ERC1: variants seen among roughly 807,000 people sequenced by gnomAD.
The protein encoded by ERC1 is RAB6 interacting protein 2.
In ERC1, 56 loss-of-function variants were observed where a neutral mutation model predicts 132.0. The ratio of observed to expected loss-of-function variants is 0.42; its 90% CI spans 0.34 to 0.53. The LOEUF (loss-of-function observed/expected upper bound fraction) is 0.53. Ranked by LOEUF, ERC1 falls within the 20% of genes least tolerant of loss-of-function variation. ERC1 has a pLI of 0.03. For synonymous variants in ERC1, 478 were observed against 476.1 expected (o/e 1.00, Z -0.05); for missense variants, 1,202 against 1,349.9 (o/e 0.89, Z 1.72).
At chr12:1,227,834 G>A (rs140112193) in intron 12 of ERC1, among the ~76,000 whole-genome samples, 18 of 152,244 alleles carry the variant, frequency 1.2e-4, no homozygotes, top group Admixed American at 5.9e-4. Context: ...TCTGTGTATG[G>A]TCAGGGATAA....
chr12:1,317,479 A>G (rs1265984930), intron 15 of ERC1, among the ~76,000 whole-genome samples: 2 of 152,284 alleles, frequency 1.3e-5, no homozygotes, highest in African/African-American at 2.4e-5. Flanking sequence ...GCAGCAAACC[A>G]CCATGGCACA....
intron 12 of ERC1, among the ~76,000 whole-genome samples, chr12:1,226,172 A>C (rs1054980555): frequency 1.3e-5 from 2 of 152,338 alleles, no homozygotes; most frequent in East Asian, 3.9e-4. Flanking sequence ...ATGGCCAAAA[A>C]TGGAGATCTA....
intron 12 of ERC1, among the ~76,000 whole-genome samples, chr12:1,196,803 T>C (rs1177282611): frequency 1.6e-5 from 2 of 125,496 alleles, no homozygotes; most frequent in South Asian, 2.5e-4. Context: ...GTGCGCACGC[T>C]ATTTCTCTCT....
intron 16 of ERC1, among the ~76,000 whole-genome samples, chr12:1,375,657 C>T (rs758426986): frequency 6.6e-5 from 10 of 150,974 alleles, no homozygotes; most frequent in African/African-American, 2.2e-4. Context: ...TAGCCCTGTT[C>T]GTGGTCAGAA....
At chr12:1,382,474 C>CTT (rs1187910665) in intron 16 of ERC1, among the ~76,000 whole-genome samples, 1 of 152,178 alleles carries the variant, frequency 6.6e-6, no homozygotes, top group Non-Finnish European at 1.5e-5. Flanking sequence ...CTCTTTATGT[C>CTT]TAAGTGTTGG....
rs138117402 is a variant in ERC1, at chr12:1,257,602, G to A, written c.2488-5432G>A. Reference sequence around the variant, plus strand: ...AGGGTTGGGTAACATTGGAGCTTTTGTTGGTGTTTATTACCTATATAACTC... The same window carrying A: ...AGGGTTGGGTAACATTGGAGCTTTTATTGGTGTTTATTACCTATATAACTC... On this transcript the variant is annotated intron_variant, in intron 13 of 18. Coordinates refer to ENST00000360905, the MANE Select transcript of ERC1 (RefSeq NM_178040.4). Among the ~76,000 whole-genome samples, 642 of 152,168 alleles carry A rather than the reference G, an allele frequency of 4.2e-3. 4 individuals carry two copies. Among genetic ancestry groups the A allele is most frequent in the African/African-American group, 0.014 (586 of 41,506 alleles).
chr12:1,388,379 G>A (rs1369181983), intron 16 of ERC1, among the ~76,000 whole-genome samples: 4 of 149,610 alleles, frequency 2.7e-5, no homozygotes, highest in Non-Finnish European at 5.9e-5. Flanking sequence ...TTAGCCTCAT[G>A]AATGAGCTAG....
chr12:1,150,850 T>G (rs546438757), intron 8 of ERC1, among the ~76,000 whole-genome samples: 37 of 152,190 alleles, frequency 2.4e-4, no homozygotes, highest in African/African-American at 8.4e-4. Flanking sequence ...AGACATGCCA[T>G]CCAAACGTAA....
At chr12:1,126,250 A>T (rs964920362) in intron 7 of ERC1, among the ~76,000 whole-genome samples, 3 of 152,242 alleles carry the variant, frequency 2.0e-5, no homozygotes, top group African/African-American at 7.2e-5. Flanking sequence ...ATGAAAATAC[A>T]GAGTCATAAA....
At chr12:1,151,473 A>T (rs919577803) in intron 8 of ERC1, among the ~76,000 whole-genome samples, 3 of 152,214 alleles carry the variant, frequency 2.0e-5, no homozygotes, top group Non-Finnish European at 4.4e-5. Context: ...CAATGCAAGA[A>T]ATCCCTGTTA....
intron 16 of ERC1, among the ~76,000 whole-genome samples, chr12:1,377,073 CT>C (rs2088021901): frequency 6.6e-6 from 1 of 152,118 alleles, no homozygotes; most frequent in African/African-American, 2.4e-5. Context: ...TTGCTTAATC[CT>C]CCAAAGACCG....
At chr12:1,122,778 G>C (rs12829051) in intron 7 of ERC1, among the ~76,000 whole-genome samples, 1 of 115,884 alleles carries the variant, frequency 8.6e-6, no homozygotes, top group African/African-American at 3.2e-5. Context: ...TTTCAGATGA[G>C]TGTGTTTCTC....
chr12:1,178,332 A>G (rs564550796), intron 8 of ERC1, among the ~76,000 whole-genome samples: 19 of 152,244 alleles, frequency 1.2e-4, no homozygotes, highest in South Asian at 2.1e-4. Flanking sequence ...CCAAACTTAT[A>G]TTTTATTCAT....
chr12:1,314,765 G>A (rs1245667430), intron 15 of ERC1, among the ~76,000 whole-genome samples: 1 of 152,078 alleles, frequency 6.6e-6, no homozygotes, highest in Admixed American at 6.5e-5. Flanking sequence ...CCTTATATTA[G>A]GAAGATAATG....
chr12:1,441,838 C>T (rs1360885097), intron 17 of ERC1, among the ~76,000 whole-genome samples: 3 of 152,194 alleles, frequency 2.0e-5, no homozygotes, highest in Non-Finnish European at 4.4e-5. Context: ...TCGTCATTGG[C>T]GCACAGAGTG....
intron 15 of ERC1, among the ~76,000 whole-genome samples, chr12:1,362,283 C>A (rs2086200486): frequency 6.6e-6 from 1 of 152,176 alleles, no homozygotes; most frequent in Admixed American, 6.5e-5. Flanking sequence ...CATCAGGACT[C>A]CAGCAAAGTT....
intron 13 of ERC1, among the ~76,000 whole-genome samples, chr12:1,241,164 G>A (rs1482859591): frequency 6.6e-6 from 1 of 152,072 alleles, no homozygotes; most frequent in Non-Finnish European, 1.5e-5. Flanking sequence ...CAGTTTGCAG[G>A]CATTCTGTTT....
intron 16 of ERC1, among the ~76,000 whole-genome samples, chr12:1,385,597 A>C (rs1439041554): frequency 2.6e-5 from 4 of 152,158 alleles, no homozygotes; most frequent in South Asian, 2.1e-4. Context: ...TATCTATCTT[A>C]TTATTGAGAA....
chr12:1,237,213 A>T (rs751229378), intron 13 of ERC1, among the ~76,000 whole-genome samples: 1 of 152,164 alleles, frequency 6.6e-6, no homozygotes, highest in Non-Finnish European at 1.5e-5. Flanking sequence ...GGTTGTCAGT[A>T]TACCTCTTTG....
Sources: gnomAD v4.1 joint callset for allele counts (sites outside exome capture counted in the v4.1 genomes callset) on GRCh38, gnomAD v4.1.1 for gene constraint, MANE v1.5 for transcripts, NCBI Gene and HGNC (gene_info 2026-07-23, HGNC 2026-07-21) for gene names.